Variants in FHIT observed in about 807,000 individuals in gnomAD.
FHIT encodes the protein bis(5'-adenosyl)-triphosphatase.
Under a neutral mutation model 17.9 loss-of-function variants are expected in FHIT, and 19 were observed. The observed-to-expected ratio is 1.06, with a 90% CI of 0.74 to 1.56. FHIT has a LOEUF of 1.56. Ranked by LOEUF, FHIT falls within the 40% of genes most tolerant of loss-of-function variation. The pLI is 0.00. For synonymous variants in FHIT, 81 were observed against 69.7 expected (o/e 1.16, Z -0.81); for missense variants, 248 against 189.2 (o/e 1.31, Z -1.82).
intron 8 of FHIT, among the ~76,000 whole-genome samples, chr3:59,801,120 T>C (rs972678252): frequency 6.6e-6 from 1 of 152,216 alleles, no homozygotes; most frequent in Non-Finnish European, 1.5e-5. Flanking sequence ...TTGCTGACTA[T>C]GATGACCCAA....
chr3:60,657,169 A>G (rs1398160639), intron 4 of FHIT, among the ~76,000 whole-genome samples: 2 of 152,182 alleles, frequency 1.3e-5, no homozygotes, highest in African/African-American at 4.8e-5. Context: ...TGGAGCTATA[A>G]TAATTAGAAA....
intron 4 of FHIT, among the ~76,000 whole-genome samples, chr3:60,797,497 T>TAGTAGTAGTAG (rs1553730748): frequency 6.8e-6 from 1 of 146,156 alleles, no homozygotes; most frequent in Non-Finnish European, 1.5e-5. Flanking sequence ...GTAGTAGTAG[T>TAGTAGTAGTAG]TAGTGCTGAA....
chr3:61,004,956 A>G (rs566933069), intron 3 of FHIT, among the ~76,000 whole-genome samples: 20 of 152,326 alleles, frequency 1.3e-4, no homozygotes, highest in Admixed American at 4.6e-4. Context: ...ATACAATTCA[A>G]TATAGCAATT....
At chr3:60,613,038 G>A (rs2038833354) in intron 4 of FHIT, among the ~76,000 whole-genome samples, 1 of 152,200 alleles carries the variant, frequency 6.6e-6, no homozygotes, top group South Asian at 2.1e-4. Flanking sequence ...AAATAAAATA[G>A]AAAGGGATCT....
At chr3:60,510,993 G>C (rs577403537) in intron 5 of FHIT, among the ~76,000 whole-genome samples, 42 of 152,242 alleles carry the variant, frequency 2.8e-4, no homozygotes, top group Admixed American at 2.2e-3. Flanking sequence ...GTGTTCTGAT[G>C]ATGGGGGAAA....
chr3:60,971,691 A>G (rs1559877377), intron 3 of FHIT, among the ~76,000 whole-genome samples: 1 of 152,156 alleles, frequency 6.6e-6, no homozygotes, highest in Non-Finnish European at 1.5e-5. Flanking sequence ...TGCAGATTCA[A>G]GTTCATTTGT....
chr3:61,209,777 G>A (rs1208432180), intron 1 of FHIT, among the ~76,000 whole-genome samples: 1 of 152,092 alleles, frequency 6.6e-6, no homozygotes, highest in Non-Finnish European at 1.5e-5. Flanking sequence ...TTAGCTCGGA[G>A]TAGTTTGATC....
At chr3:60,177,812 A>C (rs989003622) in intron 5 of FHIT, among the ~76,000 whole-genome samples, 5 of 152,182 alleles carry the variant, frequency 3.3e-5, no homozygotes, top group African/African-American at 1.2e-4. Context: ...ATTCCCACTA[A>C]AATACTGTCA....
At chr3:59,940,423 A>T (rs1454487740) in intron 7 of FHIT, among the ~76,000 whole-genome samples, 4 of 152,218 alleles carry the variant, frequency 2.6e-5, no homozygotes, top group African/African-American at 9.6e-5. Context: ...AAATGGGAAC[A>T]GGTAGAAGAA....
intron 3 of FHIT, among the ~76,000 whole-genome samples, chr3:61,006,078 TAAA>T (rs372842263): frequency 0.087 from 12,998 of 148,810 alleles, 583 homozygotes; most frequent in East Asian, 0.17. Flanking sequence ...ACAAGGTTTT[TAAA>T]AAAAAAAAAT....
At chr3:60,308,027 T>C (rs1252877532) in intron 5 of FHIT, among the ~76,000 whole-genome samples, 2 of 152,134 alleles carry the variant, frequency 1.3e-5, no homozygotes, top group Non-Finnish European at 2.9e-5. Flanking sequence ...GTAAGTACTA[T>C]CAGCAACACT....
At chr3:60,874,207 A>C (rs937725861) in intron 3 of FHIT, among the ~76,000 whole-genome samples, 1 of 152,182 alleles carries the variant, frequency 6.6e-6, no homozygotes, top group Admixed American at 6.6e-5. Context: ...AAAATAATTT[A>C]ATAAAATAAA....
intron 2 of FHIT, among the ~76,000 whole-genome samples, chr3:61,192,470 C>T (rs1307759749): frequency 6.6e-6 from 1 of 152,220 alleles, no homozygotes; most frequent in Admixed American, 6.5e-5. Context: ...AGATTCCAGA[C>T]ATTTGGAGCC....
chr3:60,314,297 C>T (rs865902224), intron 5 of FHIT, among the ~76,000 whole-genome samples: 2 of 152,020 alleles, frequency 1.3e-5, no homozygotes, highest in Non-Finnish European at 2.9e-5. Context: ...AAATTCATTA[C>T]CCATAAATCA....
intron 7 of FHIT, among the ~76,000 whole-genome samples, chr3:59,986,995 TTA>T (rs1206671881): frequency 1.6e-5 from 2 of 128,066 alleles, no homozygotes; most frequent in Non-Finnish European, 3.1e-5. Context: ...ATTTTATATT[TTA>T]TATATATTAA....
At chr3:59,923,226 A>G (rs1251733682) in intron 7 of FHIT, among the ~76,000 whole-genome samples, 3 of 73,950 alleles carry the variant, frequency 4.1e-5, no homozygotes, top group Non-Finnish European at 9.9e-5. Flanking sequence ...CTCCTCAAAA[A>G]AAAAAAAAAA....
intron 3 of FHIT, among the ~76,000 whole-genome samples, chr3:60,871,135 T>C (rs1324360421): frequency 5.9e-5 from 9 of 152,190 alleles, no homozygotes; most frequent in Admixed American, 3.3e-4. Context: ...CAGCTCATTC[T>C]TGCATATCTG....
In FHIT at chr3:60,478,916, C is replaced by T. The variant is rs74893828; in HGVS notation, c.103+57944G>A. Among the ~76,000 whole-genome samples the T allele has an allele frequency of 9.2e-3, 1,406 of 152,110 alleles. 23 individuals are homozygous for T. The highest frequency in any genetic ancestry group is 0.029 in the African/African-American group (1,223 of 41,502). ...CACAGAGTGTGCTATTGAAATGAAACGCAATATAACTATTGCTCTGGGAAT... is the reference window on the plus strand; with the variant it reads ...CACAGAGTGTGCTATTGAAATGAAATGCAATATAACTATTGCTCTGGGAAT... On this transcript the variant is annotated intron_variant, in intron 5 of 9. Coordinates refer to ENST00000492590, the MANE Select transcript of FHIT (RefSeq NM_002012.4).
intron 5 of FHIT, among the ~76,000 whole-genome samples, chr3:60,092,762 G>A (rs1449508053): frequency 1.3e-5 from 2 of 152,140 alleles, no homozygotes; most frequent in South Asian, 2.1e-4. Flanking sequence ...TAACAATAAT[G>A]ACATTCACTG....
Sources: gnomAD v4.1 joint callset for allele counts (sites outside exome capture counted in the v4.1 genomes callset) on GRCh38, gnomAD v4.1.1 for gene constraint, MANE v1.5 for transcripts, NCBI Gene and HGNC (gene_info 2026-07-23, HGNC 2026-07-21) for gene names.